The following MIR17HG variants were observed in gnomAD, a reference collection of about 807,000 sequenced individuals.
The protein encoded by MIR17HG is MIR17 host gene (non-protein coding).
At chr13:91,351,866 T>G in intron 3 of MIR17HG, 1 of 158,904 alleles carries the variant, frequency 6.3e-6, no homozygotes, top group East Asian at 1.7e-4. Flanking sequence ...TTGTTTCTAT[T>G]AAGCAAGTAC....
chr13:91,352,556 C>CT (rs1251863603), intron 3 of MIR17HG, among the ~76,000 whole-genome samples: 3 of 152,174 alleles, frequency 2.0e-5, no homozygotes, highest in African/African-American at 7.2e-5. Flanking sequence ...TGTCTGAAGT[C>CT]TAACAAAAGT....
intron 3 of MIR17HG, chr13:91,351,038 C>T (rs1157037086): frequency 3.8e-6 from 2 of 527,160 alleles, no homozygotes; most frequent in East Asian, 1.1e-4. Context: ...GTAGAATCTG[C>T]CTGGTCTATC....
chr13:91,349,912 C>T (rs913388510), intron 2 of MIR17HG: 12 of 152,158 alleles, frequency 7.9e-5, no homozygotes, highest in African/African-American at 2.7e-4. Context: ...GAAAAACTAA[C>T]TCATTAAGTA....
chr13:91,353,848 A>G (rs150374657), intron 3 of MIR17HG: 2 of 152,026 alleles, frequency 1.3e-5, no homozygotes, highest in Middle Eastern at 3.4e-3. Flanking sequence ...GAAAGAAAGC[A>G]CTTAACATTT....
At chr13:91,348,795 C>A (rs554953673) in intron 1 of MIR17HG, among the ~76,000 whole-genome samples, 4 of 150,118 alleles carry the variant, frequency 2.7e-5, no homozygotes, top group African/African-American at 9.7e-5. Context: ...GCGGGGCGGG[C>A]TGCACGGGGG....
At chr13:91,351,529 T>G in intron 3 of MIR17HG, 1 of 355,794 alleles carries the variant, frequency 2.8e-6, no homozygotes, top group Non-Finnish European at 6.0e-6. Flanking sequence ...TTGTTTTCAT[T>G]CAAAAACATT....
chr13:91,353,769 A>C (rs547461844), intron 3 of MIR17HG, among the ~76,000 whole-genome samples: 152 of 150,492 alleles, frequency 1.0e-3, no homozygotes, highest in African/African-American at 3.7e-3. Flanking sequence ...GGAGGGGAAA[A>C]AATGGGTCAA....
intron 1 of MIR17HG, among the ~76,000 whole-genome samples, chr13:91,349,267 A>T (rs1875155207): frequency 6.6e-6 from 1 of 152,156 alleles, no homozygotes; most frequent in South Asian, 2.1e-4. Context: ...CCAAAAGAGA[A>T]AATTAACGGC....
At chr13:91,347,750 C>G (rs1319200619), upstream of MIR17HG, 1 of 152,586 alleles carries the variant, frequency 6.6e-6, no homozygotes, top group Non-Finnish European at 1.5e-5. Context: ...CGCGCCACTT[C>G]GCGCCCTCGG....
chr13:91,349,048 C>T (rs1875135661), intron 1 of MIR17HG, among the ~76,000 whole-genome samples: 1 of 151,604 alleles, frequency 6.6e-6, no homozygotes, highest in Non-Finnish European at 1.5e-5. Context: ...CCGCGTCCGG[C>T]GGGGCCTGAC....
intron 3 of MIR17HG, among the ~76,000 whole-genome samples, chr13:91,353,292 A>G (rs1239618368): frequency 6.6e-6 from 1 of 152,202 alleles, no homozygotes; most frequent in African/African-American, 2.4e-5. Context: ...TTTTAATAAC[A>G]AAGACTTAAA....
intron 2 of MIR17HG, chr13:91,349,924 G>C (rs974676005): frequency 6.6e-6 from 1 of 152,096 alleles, no homozygotes; most frequent in Non-Finnish European, 1.5e-5. Context: ...CATTAAGTAC[G>C]GATTTGCTAA....
intron 3 of MIR17HG, chr13:91,350,478 A>T: frequency 2.2e-6 from 1 of 450,840 alleles, no homozygotes; most frequent in African/African-American, 2.0e-5. Flanking sequence ...TTTCTTCCCC[A>T]TTAGGGATTA....
chr13:91,351,141 G>A (rs765553584), intron 3 of MIR17HG: 5 of 523,816 alleles, frequency 9.5e-6, no homozygotes, highest in African/African-American at 1.9e-5. Context: ...ACTGCTAGCT[G>A]TAGAACTCCA....
At chr13:91,352,165 C>G (rs1304998465) in intron 3 of MIR17HG, 1 of 152,172 alleles carries the variant, frequency 6.6e-6, no homozygotes, top group African/African-American at 2.4e-5. Context: ...TCCCTACTCC[C>G]TACGTAAGCC....
At chr13:91,350,487 T>G in intron 3 of MIR17HG, 1 of 475,712 alleles carries the variant, frequency 2.1e-6, no homozygotes, top group Non-Finnish European at 4.3e-6. Context: ...CATTAGGGAT[T>G]ATGCTGAATT....
At chr13:91,348,941 C>A (rs1031386473) in intron 1 of MIR17HG, among the ~76,000 whole-genome samples, 1 of 149,288 alleles carries the variant, frequency 6.7e-6, no homozygotes. Context: ...CTGGGGGACA[C>A]AAAGGAGGGG....
intron 3 of MIR17HG, chr13:91,350,703 G>T (rs750083671): frequency 2.6e-5 from 14 of 533,948 alleles, no homozygotes; most frequent in Non-Finnish European, 4.2e-5. Context: ...GCCTCGGGAA[G>T]CCAAGTTGGG....
At chr13:91,354,119 T>A (rs1269242133) in exon 4 of MIR17HG, 2 of 152,266 alleles carry the variant, frequency 1.3e-5, no homozygotes, top group African/African-American at 4.8e-5. Flanking sequence ...TTTAGAGAAT[T>A]AAGAGCCTCT....
Sources: gnomAD v4.1 joint callset for allele counts (sites outside exome capture counted in the v4.1 genomes callset) on GRCh38, gnomAD v4.1.1 for gene constraint, MANE v1.5 for transcripts, NCBI Gene and HGNC (gene_info 2026-07-23, HGNC 2026-07-21) for gene names.